The following GRID2 variants were observed in gnomAD, a reference collection of about 807,000 sequenced individuals.
GRID2 encodes the protein glutamate receptor ionotropic, delta-2.
Under a neutral mutation model 114.8 loss-of-function variants are expected in GRID2, and 33 were observed. The observed-to-expected ratio is 0.29, with a 90% CI of 0.22 to 0.38. The LOEUF is 0.38. Among genes scored for constraint, GRID2 ranks in the 10% least tolerant of loss-of-function variants. GRID2 has a pLI of 1.00. For synonymous variants in GRID2, 505 were observed against 449.9 expected (o/e 1.12, Z -1.55); for missense variants, 1,184 against 1,257.7 (o/e 0.94, Z 0.89).
At position 93,534,778 on chromosome 4, in the gene GRID2, G is replaced by A. The variant is rs910257525; in HGVS notation, c.2193+19367G>A. On this transcript the variant is annotated intron_variant, in intron 13 of 15. Transcript: ENST00000282020. ...AAGTTTTAGAGTTTGATGATTTGAT[G>A]TATGTATACATTGGGAAATGATTAC... 4.0e-5 allele frequency among the ~76,000 whole-genome samples: 6 copies of A among 151,222 alleles called. 1 individual carries two copies. In the South Asian group the frequency reaches 6.3e-4, roughly 16 times the overall value.
At chr4:92,501,145 G>A (rs146246637) in intron 1 of GRID2, among the ~76,000 whole-genome samples, 39 of 152,160 alleles carry the variant, frequency 2.6e-4, no homozygotes, top group Admixed American at 6.5e-4. Flanking sequence ...AATGCATTCG[G>A]GAATTCTCAA....
At chr4:93,211,913 C>T (rs1743527976) in intron 5 of GRID2, among the ~76,000 whole-genome samples, 1 of 152,070 alleles carries the variant, frequency 6.6e-6, no homozygotes, top group African/African-American at 2.4e-5. Context: ...TTCCATTCAC[C>T]CGCATACTTA....
chr4:92,739,030 A>G (rs537023949), intron 2 of GRID2, among the ~76,000 whole-genome samples: 1 of 152,282 alleles, frequency 6.6e-6, no homozygotes, highest in Non-Finnish European at 1.5e-5. Flanking sequence ...TTGAAGAAAA[A>G]CAGGAAAACA....
intron 13 of GRID2, among the ~76,000 whole-genome samples, chr4:93,584,908 T>C (rs1396833899): frequency 6.6e-6 from 1 of 152,050 alleles, no homozygotes; most frequent in Non-Finnish European, 1.5e-5. Flanking sequence ...TTGCCCTTGA[T>C]TGATGAGAGG....
exon 2 of GRID2, chr4:93,810,047 GAGAATAGAC>G (rs1170120179): frequency 6.6e-6 from 1 of 152,212 alleles, no homozygotes; most frequent in African/African-American, 2.4e-5. Flanking sequence ...GCTGAGAAAG[GAGAATAGAC>G]AGATCCAAGC....
Position 92,515,222 on chromosome 4 carries a change from T to G in GRID2, c.89-74909T>G, listed in dbSNP as rs539688520. On this transcript the variant is annotated intron_variant, in intron 1 of 15. Coordinates refer to ENST00000282020, the MANE Select transcript of GRID2 (RefSeq NM_001510.4). ...AAATTGCTAAGCTATATTAAAATTCTGTTGTTCACCATTTTTTATTTCTGT... is the reference window on the plus strand; with the variant it reads ...AAATTGCTAAGCTATATTAAAATTCGGTTGTTCACCATTTTTTATTTCTGT... 5.3e-5 allele frequency among the ~76,000 whole-genome samples: 8 copies of G among 152,064 alleles called. No individual in the cohort carries two copies. The South Asian group carries it at 1.7e-3, about 31-fold the overall frequency.
chr4:93,487,680 T>C (rs1356908817), intron 11 of GRID2, among the ~76,000 whole-genome samples: 9 of 151,994 alleles, frequency 5.9e-5, no homozygotes, highest in Non-Finnish European at 8.8e-5. Context: ...GCTTTCTTTT[T>C]TTAAATTGGT....
At chr4:93,734,641 C>T (rs1245890777) in intron 14 of GRID2, among the ~76,000 whole-genome samples, 2 of 151,902 alleles carry the variant, frequency 1.3e-5, no homozygotes, top group African/African-American at 2.4e-5. Context: ...ATTCTATCAC[C>T]GACAGCCCAG....
At chr4:93,022,814 T>C (rs1042118567) in intron 2 of GRID2, among the ~76,000 whole-genome samples, 1 of 152,056 alleles carries the variant, frequency 6.6e-6, no homozygotes, top group Non-Finnish European at 1.5e-5. Flanking sequence ...TGGTAAAAAC[T>C]TGATATAATA....
At chr4:93,748,829 T>G (rs1732069128) in intron 14 of GRID2, among the ~76,000 whole-genome samples, 1 of 152,122 alleles carries the variant, frequency 6.6e-6, no homozygotes. Context: ...CTTTTTTTTT[T>G]TATGTTAAGG....
At position 93,454,450 on chromosome 4, in the gene GRID2, G is replaced by A. The variant is rs10023648; in HGVS notation, c.1546-1212G>A. 2.6e-3 allele frequency among the ~76,000 whole-genome samples: 402 copies of A among 152,034 alleles called. 4 individuals are homozygous for A. The highest frequency in any genetic ancestry group is 9.0e-3 in the African/African-American group (373 of 41,492). On this transcript the variant is annotated intron_variant, in intron 10 of 15. Coordinates refer to ENST00000282020, the MANE Select transcript of GRID2 (RefSeq NM_001510.4). Reference sequence around the variant, plus strand: ...TCTAAGGTTTAGTTTCTCCACTTACGAAATGGAGAGGAAAACACATAATTC... The same window carrying A: ...TCTAAGGTTTAGTTTCTCCACTTACAAAATGGAGAGGAAAACACATAATTC...
chr4:93,161,266 A>G (rs985930169), intron 4 of GRID2, among the ~76,000 whole-genome samples: 3 of 151,920 alleles, frequency 2.0e-5, no homozygotes, highest in African/African-American at 7.2e-5. Context: ...TTGACCTCTT[A>G]GAAATCAAGC....
chr4:93,569,326 G>A (rs1735721536), intron 13 of GRID2, among the ~76,000 whole-genome samples: 1 of 152,008 alleles, frequency 6.6e-6, no homozygotes, highest in African/African-American at 2.4e-5. Context: ...CTTAGTTTCT[G>A]CTTCTGGAGA....
intron 13 of GRID2, among the ~76,000 whole-genome samples, chr4:93,589,510 C>G (rs1737938907): frequency 6.6e-6 from 1 of 152,146 alleles, no homozygotes; most frequent in East Asian, 1.9e-4. Context: ...CCGCAATAAA[C>G]ATACATCTGC....
chr4:93,029,236 C>A (rs1322091674), intron 2 of GRID2, among the ~76,000 whole-genome samples: 1 of 151,962 alleles, frequency 6.6e-6, no homozygotes, highest in Non-Finnish European at 1.5e-5. Context: ...AACTTTAGTA[C>A]TGAATTCTTG....
At chr4:92,599,764 C>T (rs369690624) in intron 2 of GRID2, among the ~76,000 whole-genome samples, 14 of 151,942 alleles carry the variant, frequency 9.2e-5, no homozygotes, top group Admixed American at 3.3e-4. Flanking sequence ...CCGTGGCTCA[C>T]GCCTGTAATC....
intron 1 of GRID2, among the ~76,000 whole-genome samples, chr4:92,382,362 AAAGAAAGTTTAGAACC>A (rs1729660388): frequency 6.6e-6 from 1 of 152,050 alleles, no homozygotes; most frequent in African/African-American, 2.4e-5. Context: ...TGGGAGGAGG[AAAGAAAGTTTAGAACC>A]AAGACTATAG....
At chr4:93,583,756 A>G (rs1363772792) in intron 13 of GRID2, among the ~76,000 whole-genome samples, 1 of 152,146 alleles carries the variant, frequency 6.6e-6, no homozygotes, top group African/African-American at 2.4e-5. Flanking sequence ...TTCCTCAGAC[A>G]CATCCATTCT....
intron 2 of GRID2, among the ~76,000 whole-genome samples, chr4:92,855,475 C>T (rs1744108875): frequency 6.6e-6 from 1 of 151,838 alleles, no homozygotes; most frequent in Non-Finnish European, 1.5e-5. Flanking sequence ...TTCCCATGTT[C>T]TTTTTGTTAT....
Sources: gnomAD v4.1 joint callset for allele counts (sites outside exome capture counted in the v4.1 genomes callset) on GRCh38, gnomAD v4.1.1 for gene constraint, MANE v1.5 for transcripts, NCBI Gene and HGNC (gene_info 2026-07-23, HGNC 2026-07-21) for gene names.